The following HAP1 variants were observed in gnomAD, a reference collection of about 807,000 sequenced individuals.
The protein encoded by HAP1 is huntingtin associated protein 1, also known as huntingtin-associated protein 1.
Under a neutral mutation model 60.3 loss-of-function variants are expected in HAP1, and 59 were observed. That is an observed-to-expected ratio of 0.98 (90% CI 0.79 to 1.22). The LOEUF is 1.22. HAP1 is among the 50% of genes most tolerant of loss of function. The pLI is 0.00. For synonymous variants in HAP1, 346 were observed against 330.6 expected, an observed-to-expected ratio of 1.05 and a Z score of -0.50; for missense variants, 825 against 785.3, an observed-to-expected ratio of 1.05 and a Z score of -0.60.
chr17:41,720,079 C>T (rs1463352849), downstream of HAP1, among the ~76,000 whole-genome samples: 2 of 151,416 alleles, frequency 1.3e-5, no homozygotes, highest in African/African-American at 4.9e-5. Context: ...TTAGTAGAGG[C>T]GGGGTTTCAC....
At chr17:41,733,919 C>T (rs1359185358) in intron 1 of HAP1, among the ~76,000 whole-genome samples, 1 of 152,054 alleles carries the variant, frequency 6.6e-6, no homozygotes, top group African/African-American at 2.4e-5. Flanking sequence ...CAGCAAGAGG[C>T]GCGTGGAGGT....
chr17:41,732,600 A>G, intron 2 of HAP1, 119 bp downstream of exon 2: 3 of 1,007,704 alleles, frequency 3.0e-6, no homozygotes, highest in South Asian at 1.3e-5. Flanking sequence ...TGTCTTCCAT[A>G]AGAAGGACCC....
intron 1 of HAP1, 54 bp from the exon 2 acceptor site, chr17:41,732,852 G>A (rs1555591495): frequency 2.0e-6 from 2 of 993,834 alleles, no homozygotes; most frequent in Non-Finnish European, 3.2e-6. Flanking sequence ...GGAAAAAGGA[G>A]CAGATGCTAC....
In HAP1 at chr17:41,732,103, G is replaced by A. The variant is rs189318763; in HGVS notation, c.730C>T (p.His244Tyr). 104 of 1,613,878 alleles carry A rather than the reference G, an allele frequency of 6.4e-5. No individual in the cohort carries two copies. The East Asian group carries it at 2.2e-3, about 34-fold the overall frequency. Reference protein sequence around the residue: ...SAKEEILYLRHQVNLRDELLQ... With the variant: ...SAKEEILYLRYQVNLRDELLQ... Reference sequence around the variant, plus strand: ...AGCTCATCCCGCAAGTTCACCTGGTGTCTGAGGTATAAAATCTGGCAGGAA... The same window carrying A: ...AGCTCATCCCGCAAGTTCACCTGGTATCTGAGGTATAAAATCTGGCAGGAA... The change falls in exon 4 of 11, where the codon CAC (histidine) becomes TAC (tyrosine). Residue 244 changes from histidine (H) to tyrosine (Y), a missense_variant. His to Tyr is a moderately conservative substitution (Grantham distance 83). Transcript: ENST00000347901.
rs541958021 is a variant in HAP1 at position 41,723,009 on chromosome 17, G to A, written c.*1692C>T. ...TAGGTAGGGACTGAGAAGAAAGGATGAAGAACAGGGAAGACAGCCAGGTCC... is the reference window on the plus strand; with the variant it reads ...TAGGTAGGGACTGAGAAGAAAGGATAAAGAACAGGGAAGACAGCCAGGTCC... On this transcript the variant is annotated 3_prime_UTR_variant, in exon 11 of 11. Transcript: ENST00000347901. 5 of 152,610 alleles carry A rather than the reference G, an allele frequency of 3.3e-5. No individual in the cohort carries two copies. The highest frequency in any genetic ancestry group is 2.6e-4 in the Admixed American group (4 of 15,294). 9.5% of individuals were successfully genotyped at this position (152,610 alleles called of 1,614,324 possible). A position where few individuals can be genotyped will look rare whatever the true frequency, so the allele number is the denominator to read the frequency against.
At position 41,734,624 on chromosome 17, in the gene HAP1, T is replaced by C. The variant is rs4796604; in HGVS notation, c.11A>G (p.Lys4Arg). ...CCCCGCGCAGCACCGGCCCAACCTC[T>C]TCGGGCGCATCTCGAGTCTGCCGTC... MRP[K>R]RLGRCCAGSR... The change falls in exon 1 of 11, where the codon AAG becomes AGG. Residue 4 changes from lysine to arginine, a missense_variant. Coordinates refer to ENST00000347901, the MANE Select transcript of HAP1 (RefSeq NM_177977.3). 0.52 allele frequency: 784,183 copies of C among 1,518,360 alleles called. 207,086 individuals are homozygous for C. The highest frequency in any genetic ancestry group is 0.7 in the East Asian group (29,772 of 42,350). 94.1% of individuals were successfully genotyped at this position (1,518,360 alleles called of 1,614,324 possible).
chr17:41,726,454 T>C (rs773268421), intron 9 of HAP1, among the ~76,000 whole-genome samples: 23 of 150,096 alleles, frequency 1.5e-4, no homozygotes, highest in Non-Finnish European at 2.8e-4. Context: ...CCCAACTACT[T>C]GGAAGGCTGA....
At chr17:41,728,489 G>T (rs369445025) in intron 6 of HAP1, among the ~76,000 whole-genome samples, 158 bp from the exon 7 acceptor site, 1 of 152,200 alleles carries the variant, frequency 6.6e-6, no homozygotes, top group Non-Finnish European at 1.5e-5. Flanking sequence ...TTCCATTCAA[G>T]AAATGTTCAT....
At chr17:41,731,818 C>G in intron 4 of HAP1, 75 bp from the exon 5 acceptor site, 1 of 1,106,014 alleles carries the variant, frequency 9.0e-7, no homozygotes, top group Non-Finnish European at 1.4e-6. Flanking sequence ...GGGCTAAGGG[C>G]AGTGTTCTCA....
chr17:41,732,542 C>A, intron 2 of HAP1, 148 bp from the exon 3 acceptor site: 1 of 985,930 alleles, frequency 1.0e-6, no homozygotes, highest in African/African-American at 1.6e-5. Flanking sequence ...GAAGATCAGA[C>A]CAGATTGGCT....
At chr17:41,728,141 A>C in intron 7 of HAP1, 60 bp downstream of exon 7, 1 of 1,588,206 alleles carries the variant, frequency 6.3e-7, no homozygotes. Context: ...GGAGGCAGGA[A>C]GAAGGAAGCT....
At position 41,723,983 on chromosome 17, in the gene HAP1, G is replaced by GCAC. The variant is rs1911399691; in HGVS notation, c.*717_*718insGTG. 3 of 152,364 alleles carry GCAC rather than the reference G, an allele frequency of 2.0e-5. No homozygotes were observed. The highest frequency in any genetic ancestry group is 7.2e-5 in the African/African-American group (3 of 41,448). 9.4% of individuals were successfully genotyped at this position (152,364 alleles called of 1,614,324 possible). A position where few individuals can be genotyped will look rare whatever the true frequency, so the allele number is the denominator to read the frequency against. On this transcript the variant is annotated 3_prime_UTR_variant, in exon 11 of 11. Coordinates refer to ENST00000347901, the MANE Select transcript of HAP1 (RefSeq NM_177977.3). ...TCACCTGCCACGGAATGAGGCTGAT[G>GCAC]GGAGCTGATGCACGTGCAATGGCTG...
intron 6 of HAP1, 21 bp from the exon 7 acceptor site, chr17:41,728,352 G>A: frequency 6.2e-7 from 1 of 1,611,272 alleles, no homozygotes. Flanking sequence ...CAGAGGACAG[G>A]TCAGCCCTGG....
intron 2 of HAP1, 151 bp downstream of exon 2, chr17:41,732,568 G>A: frequency 1.0e-6 from 1 of 969,480 alleles, no homozygotes; most frequent in Non-Finnish European, 1.6e-6. Context: ...AGCTCTTCCA[G>A]CCTGAACATC....
At position 41,732,747 on chromosome 17, in the gene HAP1, A is replaced by G. The variant is rs782509816; in HGVS notation, c.521T>C (p.Val174Ala). The stretch of plus-strand genomic sequence containing the variant: ...CTCCAGCAAATATAACATCACTTTG[A>G]CGTCTTCCTGGGTGATCTTTTTGAC... ...PPVKKITQED[V>A]KVMLYLLEEL... Residue 174 changes from valine to alanine, a missense_variant, in exon 2 of 11, where the codon GTC becomes GCC. Coordinates refer to ENST00000347901, the MANE Select transcript of HAP1 (RefSeq NM_177977.3). The G allele has an allele frequency of 1.2e-6, 2 of 1,613,186 alleles. No homozygotes were observed. Among genetic ancestry groups the G allele is most frequent in the South Asian group, 2.2e-5 (2 of 91,076 alleles).
At chr17:41,728,858 C>A (rs1413860833) in intron 6 of HAP1, among the ~76,000 whole-genome samples, 3 of 151,990 alleles carry the variant, frequency 2.0e-5, no homozygotes, top group Non-Finnish European at 4.4e-5. Flanking sequence ...CAGTAGTGGG[C>A]AAGGGGGTGG....
intron 9 of HAP1, among the ~76,000 whole-genome samples, chr17:41,726,329 G>A (rs376074115): frequency 1.3e-5 from 2 of 150,964 alleles, no homozygotes; most frequent in African/African-American, 2.4e-5. Context: ...TAGGAGAATC[G>A]CTTGAACCCA....
downstream of HAP1, among the ~76,000 whole-genome samples, chr17:41,718,591 T>C (rs1911074761): frequency 6.6e-6 from 1 of 152,222 alleles, no homozygotes; most frequent in Non-Finnish European, 1.5e-5. Flanking sequence ...TAACTGTGCA[T>C]GGGAAAGCAG....
rs1555591922 is a variant in HAP1, at chr17:41,734,196, G to T, written c.439C>A (p.Arg147Ser). 2 of 1,590,436 alleles carry T rather than the reference G, an allele frequency of 1.3e-6. No homozygotes were observed. The highest frequency in any genetic ancestry group is 1.7e-5 in the Admixed American group (1 of 59,184). The change falls in exon 1 of 11, where the codon CGC becomes AGC. Residue 147 changes from arginine to serine, a missense_variant. Transcript: ENST00000347901. ...GRRPGVSGPE[R>S]AAFIRELEEA... ...TCCAGCTCCCGAATAAAGGCGGCGC[G>T]CTCAGGGCCGGACACCCCGGGTCGC...
Sources: allele counts gnomAD v4.1 joint callset (sites outside exome capture counted in the v4.1 genomes callset), GRCh38; gene constraint gnomAD v4.1.1; transcripts MANE v1.5; gene names NCBI Gene and HGNC (gene_info 2026-07-23, HGNC 2026-07-21).